Variants in ACCS observed in about 807,000 individuals in gnomAD.
ACCS encodes the protein 1-aminocyclopropane-1-carboxylate synthase homolog (inactive).
Under a neutral mutation model 59.8 loss-of-function variants are expected in ACCS, and 42 were observed. The ratio of observed to expected loss-of-function variants is 0.70; its 90% confidence interval spans 0.55 to 0.91. ACCS has a LOEUF of 0.91. Among genes scored for constraint, ACCS ranks in the 40% least tolerant of loss-of-function variants. The pLI is 0.00. For synonymous variants in ACCS, 230 were observed against 240.3 expected, an observed-to-expected ratio of 0.96 and a Z score of 0.40; for missense variants, 602 against 630.4, an observed-to-expected ratio of 0.95 and a Z score of 0.48.
Position 44,081,323 on chromosome 11 carries a change from G to T in ACCS, c.1111+3G>T, listed in dbSNP as rs574940985. The T allele has an allele frequency of 6.2e-7, 1 of 1,613,492 alleles. No homozygotes were observed. The highest frequency in any genetic ancestry group is 8.5e-7 in the Non-Finnish European group (1 of 1,179,596). On this transcript the variant is annotated splice_donor_region_variant and intron_variant, in intron 12 of 14. Coordinates refer to ENST00000263776, the MANE Select transcript of ACCS (RefSeq NM_032592.4). ...GGCACAGCTGCTCCGGGACCGTGGT[G>T]ACTGCCTGGGCCTGGTGACCTGAAA...
At chr11:44,077,760 GGAGGA>G (rs1187816170) in intron 7 of ACCS, 80 bp from the exon 8 acceptor site, 91 of 1,537,100 alleles carry the variant, frequency 5.9e-5, no homozygotes, top group Non-Finnish European at 6.7e-5. Flanking sequence ...GGATTACAGG[GGAGGA>G]GAGGCCTGAG....
chr11:44,078,172 A>G lies in ACCS; in HGVS notation c.732+250A>G, dbSNP rs1352233015. ...TCAACCAGGGAGCATCACTAAAGAT[A>G]CCCCCATCCCTGATCCATCTGATTA... On this transcript the variant is annotated intron_variant, in intron 8 of 14. Transcript: ENST00000263776. 9.8e-6 allele frequency: 5 copies of G among 508,702 alleles called. No individual in the cohort carries two copies. In the East Asian group the frequency reaches 1.7e-4, roughly 17 times the overall value. The allele number at this position is 508,702 out of a possible 1,614,324, so 31.5% of individuals were successfully genotyped here.
At chr11:44,068,119 C>T (rs150253358) in intron 2 of ACCS, among the ~76,000 whole-genome samples, 2 of 152,022 alleles carry the variant, frequency 1.3e-5, no homozygotes, top group Non-Finnish European at 2.9e-5. Flanking sequence ...ATATAGGGGA[C>T]CTTGATTTCT....
chr11:44,081,248 G>T lies in ACCS; in HGVS notation c.1039G>T (p.Ala347Ser). The part of the protein sequence containing the change: ...TENQDVATAV[A>S]SLCRYHGLSG... ...AAACCAGGATGTGGCCACTGCCGTG[G>T]CTTCCCTCTGCCGCTACCACGGCCT... is the stretch of plus-strand genomic sequence containing the variant. The change falls in exon 12 of 15, where the codon GCT becomes TCT. Residue 347 changes from alanine to serine, a missense_variant. Coordinates refer to ENST00000263776, the MANE Select transcript of ACCS (RefSeq NM_032592.4). 2 of 1,614,264 alleles carry T rather than the reference G, an allele frequency of 1.2e-6. No homozygotes were observed. Among genetic ancestry groups the T allele is most frequent in the South Asian group, 2.2e-5 (2 of 91,092 alleles).
intron 3 of ACCS, 122 bp downstream of exon 3, chr11:44,071,437 C>T (rs374123553): frequency 1.6e-5 from 18 of 1,092,796 alleles, no homozygotes; most frequent in East Asian, 1.2e-4. Context: ...TCAGGAGACC[C>T]GGGTTCCAGG....
intron 1 of ACCS, chr11:44,067,186 TC>T (rs1952829628): frequency 6.3e-6 from 1 of 158,194 alleles, no homozygotes; most frequent in South Asian, 1.8e-4. Flanking sequence ...GCCATCTGCC[TC>T]AGAACACCAC....
At chr11:44,076,970 C>T (rs1484353205) in intron 6 of ACCS, among the ~76,000 whole-genome samples, 1 of 152,136 alleles carries the variant, frequency 6.6e-6, no homozygotes, top group Non-Finnish European at 1.5e-5. Context: ...TTCCCTATCA[C>T]CAGAACAGCA....
intron 8 of ACCS, 22 bp from the exon 9 acceptor site, chr11:44,078,662 C>T (rs760754544): frequency 6.2e-7 from 1 of 1,611,914 alleles, no homozygotes; most frequent in East Asian, 2.2e-5. Context: ...TGAGGGTCTC[C>T]TGCCCTAACG....
intron 2 of ACCS, among the ~76,000 whole-genome samples, chr11:44,069,048 T>G (rs1952921347): frequency 6.6e-6 from 1 of 152,148 alleles, no homozygotes; most frequent in African/African-American, 2.4e-5. Context: ...CAGAAGGCTA[T>G]TTTAATAAGA....
At chr11:44,071,928 G>C (rs1446258037) in intron 3 of ACCS, among the ~76,000 whole-genome samples, 1 of 152,172 alleles carries the variant, frequency 6.6e-6, no homozygotes, top group Non-Finnish European at 1.5e-5. Flanking sequence ...AAAAGTGGCT[G>C]TTTTTAACAC....
At chr11:44,083,050 A>G in intron 12 of ACCS, 119 bp from the exon 13 acceptor site, 4 of 1,313,284 alleles carry the variant, frequency 3.0e-6, no homozygotes, top group Non-Finnish European at 4.3e-6. Flanking sequence ...AGCCAGCTAG[A>G]GGAGGGACTC....
At chr11:44,081,102 T>C in intron 11 of ACCS, 37 bp downstream of exon 11, 3 of 1,613,624 alleles carry the variant, frequency 1.9e-6, no homozygotes, top group Non-Finnish European at 2.5e-6. Flanking sequence ...GTCAGAAGGG[T>C]GGGAGGGCAG....
intron 6 of ACCS, among the ~76,000 whole-genome samples, chr11:44,076,545 A>G (rs1176912172): frequency 6.6e-6 from 1 of 152,246 alleles, no homozygotes; most frequent in East Asian, 1.9e-4. Flanking sequence ...TGCCGGTTCC[A>G]GAACAATCAA....
chr11:44,072,410 C>G (rs977689579), intron 3 of ACCS: 5 of 152,064 alleles, frequency 3.3e-5, no homozygotes, highest in Admixed American at 6.6e-5. Context: ...CCCGCCTTGG[C>G]CTCCCAAAGT....
chr11:44,069,879 C>G (rs1382417861), intron 2 of ACCS, among the ~76,000 whole-genome samples: 1 of 152,176 alleles, frequency 6.6e-6, no homozygotes, highest in Non-Finnish European at 1.5e-5. Flanking sequence ...GTTGCTAGGC[C>G]CAGCCCATAC....
chr11:44,083,819 G>A lies in ACCS; in HGVS notation c.*27G>A. On this transcript the variant is annotated 3_prime_UTR_variant, in exon 15 of 15. Transcript: ENST00000263776. ...CTGGTCATTGTCTCGTGGCCAGAGG[G>A]CCCAGCAGCCACTGTGGACCTGGGG... The A allele has an allele frequency of 1.9e-6, 3 of 1,569,744 alleles. No homozygotes were observed. The highest frequency in any genetic ancestry group is 1.7e-6 in the Non-Finnish European group (2 of 1,157,552).
intron 1 of ACCS, chr11:44,067,358 C>A: frequency 2.9e-6 from 1 of 350,702 alleles, no homozygotes; most frequent in Non-Finnish European, 5.1e-6. Context: ...AAAACTTTTG[C>A]AGAAGTAGAA....
At chr11:44,070,848 G>A (rs954084320) in intron 2 of ACCS, among the ~76,000 whole-genome samples, 9 of 152,178 alleles carry the variant, frequency 5.9e-5, no homozygotes, top group South Asian at 4.2e-4. Context: ...TAAACCCCTC[G>A]AGAGAAACAG....
chr11:44,077,524 C>T (rs1447646773), intron 7 of ACCS, 148 bp downstream of exon 7: 3 of 1,461,350 alleles, frequency 2.1e-6, no homozygotes, highest in African/African-American at 1.4e-5. Context: ...GCTGCCTGTG[C>T]CTGGGTTCCC....
Sources: gnomAD v4.1 joint callset for allele counts (sites outside exome capture counted in the v4.1 genomes callset) on GRCh38, gnomAD v4.1.1 for gene constraint, MANE v1.5 for transcripts, NCBI Gene and HGNC (gene_info 2026-07-23, HGNC 2026-07-21) for gene names.